The following TBC1D12 variants were observed in gnomAD, a reference collection of about 807,000 sequenced individuals.
TBC1D12 encodes TBC1 domain family, member 12.
Under a neutral mutation model 86.7 loss-of-function variants are expected in TBC1D12, and 56 were observed. The ratio of observed to expected loss-of-function variants is 0.65; its 90% CI spans 0.52 to 0.81. The LOEUF is 0.81. TBC1D12 is among the 30% of genes least tolerant of loss of function. The pLI, the probability that TBC1D12 is intolerant of heterozygous loss-of-function variation, is 0.00. For synonymous variants in TBC1D12, 421 were observed against 411.7 expected, an observed-to-expected ratio of 1.02 and a Z score of -0.27; for missense variants, 1,023 against 1,038.8, an observed-to-expected ratio of 0.98 and a Z score of 0.21.
chr10:94,420,239 G>A (rs2055055893), intron 1 of TBC1D12, among the ~76,000 whole-genome samples: 1 of 152,168 alleles, frequency 6.6e-6, no homozygotes, highest in Admixed American at 6.5e-5. Flanking sequence ...CAGCAGAAAG[G>A]TAGCTGTCTG....
At chr10:94,459,588 AG>A (rs1564957139) in intron 2 of TBC1D12, among the ~76,000 whole-genome samples, 1 of 152,070 alleles carries the variant, frequency 6.6e-6, no homozygotes, top group Non-Finnish European at 1.5e-5. Context: ...GGAGCCCACC[AG>A]GGGGGTTGGG....
At chr10:94,491,762 T>G (rs900225434) in intron 3 of TBC1D12, among the ~76,000 whole-genome samples, 1 of 152,180 alleles carries the variant, frequency 6.6e-6, no homozygotes, top group Non-Finnish European at 1.5e-5. Flanking sequence ...GATCGACTGT[T>G]GGTGATACCA....
At chr10:94,468,481 T>A (rs2055856081) in intron 2 of TBC1D12, among the ~76,000 whole-genome samples, 1 of 151,422 alleles carries the variant, frequency 6.6e-6, no homozygotes, top group African/African-American at 2.4e-5. Context: ...TCCCTCTCCA[T>A]TTTTTTTTCC....
At chr10:94,459,812 G>A (rs557517872) in intron 2 of TBC1D12, among the ~76,000 whole-genome samples, 4 of 152,330 alleles carry the variant, frequency 2.6e-5, no homozygotes, top group Admixed American at 6.5e-5. Context: ...TGCCGAGCCC[G>A]CACCCACCCG....
chr10:94,532,279 G>C (rs570837650), intron 12 of TBC1D12, among the ~76,000 whole-genome samples: 1 of 152,118 alleles, frequency 6.6e-6, no homozygotes, highest in East Asian at 1.9e-4. Flanking sequence ...CCGGGTTCAA[G>C]CAATTCTTTT....
rs184774358 is a variant in TBC1D12 at position 94,419,344 on chromosome 10, G to C, written c.971+15760G>C. Among the ~76,000 whole-genome samples the C allele has an allele frequency of 1.4e-4, 21 of 151,942 alleles. No individual in the cohort carries two copies. The East Asian group carries it at 3.5e-3, about 25-fold the overall frequency. ...TACTAAATAACATTTGTTTATCATC[G>C]TGAAGTTTTTAACATTAACCTGCAT... On this transcript the variant is annotated intron_variant, in intron 1 of 12. Transcript: ENST00000225235.
chr10:94,495,306 G>C (rs1186931600), intron 4 of TBC1D12, among the ~76,000 whole-genome samples: 1 of 152,074 alleles, frequency 6.6e-6, no homozygotes, highest in Non-Finnish European at 1.5e-5. Flanking sequence ...TTACAGGCGT[G>C]AGCCACCATG....
At chr10:94,482,692 C>T (rs367551683) in intron 3 of TBC1D12, among the ~76,000 whole-genome samples, 83 of 152,072 alleles carry the variant, frequency 5.5e-4, no homozygotes, top group African/African-American at 1.9e-3. Context: ...TCAGGTGATC[C>T]GCCCGCCTCA....
chr10:94,531,664 T>G (rs1321485141), intron 12 of TBC1D12, among the ~76,000 whole-genome samples: 1 of 144,562 alleles, frequency 6.9e-6, no homozygotes, highest in African/African-American at 2.6e-5. Context: ...TTTATTTTAT[T>G]TTATTTTATT....
chr10:94,416,286 T>C (rs1418258402), intron 1 of TBC1D12, among the ~76,000 whole-genome samples: 1 of 152,246 alleles, frequency 6.6e-6, no homozygotes, highest in African/African-American at 2.4e-5. Flanking sequence ...CTTTTTATTC[T>C]CAGAAGGTTT....
At chr10:94,437,332 C>CTTT (rs767605698) in intron 1 of TBC1D12, among the ~76,000 whole-genome samples, 1 of 145,578 alleles carries the variant, frequency 6.9e-6, no homozygotes, top group East Asian at 2.0e-4. Flanking sequence ...TGGTTATTTT[C>CTTT]TTTTTTTTTT....
chr10:94,424,062 A>G (rs935123489), intron 1 of TBC1D12, among the ~76,000 whole-genome samples: 9 of 152,172 alleles, frequency 5.9e-5, no homozygotes, highest in Non-Finnish European at 4.4e-5. Context: ...TAATTAATCT[A>G]AGATGATTTA....
intron 9 of TBC1D12, among the ~76,000 whole-genome samples, chr10:94,513,412 C>A (rs1202299873): frequency 1.3e-5 from 2 of 151,938 alleles, no homozygotes; most frequent in Admixed American, 1.3e-4. Flanking sequence ...CACAGCAAGA[C>A]CCTGTCTCAA....
Position 94,461,285 on chromosome 10 carries a change from C to T in TBC1D12, c.1096-13383C>T, listed in dbSNP as rs1056118176. Among the ~76,000 whole-genome samples, 7 of 152,180 alleles carry T rather than the reference C, an allele frequency of 4.6e-5. No homozygotes were observed. The East Asian group carries it at 5.8e-4, about 13-fold the overall frequency. On this transcript the variant is annotated intron_variant, in intron 2 of 12. Coordinates refer to ENST00000225235, the MANE Select transcript of TBC1D12 (RefSeq NM_015188.2). ...GGTGAACCTGTACCTCTGAATGGTA[C>T]GCTTCATAGTGCTTCTCAGTTTTGT...
Position 94,444,698 on chromosome 10 carries a change from T to G in TBC1D12, c.1095+2679T>G, listed in dbSNP as rs1240649086. On this transcript the variant is annotated intron_variant, in intron 2 of 12. Transcript: ENST00000225235. Reference sequence around the variant, plus strand: ...GATACGCTGTATACCTTTAATCTGCTATTTTCATTTCGGAAAGCCAAGACC... The same window carrying G: ...GATACGCTGTATACCTTTAATCTGCGATTTTCATTTCGGAAAGCCAAGACC... 2.6e-5 allele frequency among the ~76,000 whole-genome samples: 4 copies of G among 152,094 alleles called. No homozygotes were observed. The South Asian group carries it at 8.3e-4, about 32-fold the overall frequency.
At chr10:94,478,230 C>G (rs1403116559) in intron 3 of TBC1D12, among the ~76,000 whole-genome samples, 1 of 151,998 alleles carries the variant, frequency 6.6e-6, no homozygotes, top group African/African-American at 2.4e-5. Context: ...CCACTGCACT[C>G]CAGCCTGGGT....
chr10:94,498,845 C>A (rs188949600), intron 5 of TBC1D12, among the ~76,000 whole-genome samples: 1 of 151,756 alleles, frequency 6.6e-6, no homozygotes, highest in Non-Finnish European at 1.5e-5. Context: ...CAAGGCTCAC[C>A]GCAACCCCGA....
chr10:94,514,428 A>ACC (rs1049949745), intron 9 of TBC1D12, among the ~76,000 whole-genome samples: 4 of 151,926 alleles, frequency 2.6e-5, no homozygotes, highest in African/African-American at 9.7e-5. Context: ...CGTCTTCCCC[A>ACC]CCCCCAAGCC....
chr10:94,503,124 C>T (rs747849332), intron 6 of TBC1D12, among the ~76,000 whole-genome samples: 5 of 152,190 alleles, frequency 3.3e-5, no homozygotes, highest in Non-Finnish European at 7.3e-5. Context: ...AAGTCTGTCT[C>T]ATATGTACTA....
Sources: gnomAD v4.1 joint callset for allele counts (sites outside exome capture counted in the v4.1 genomes callset) on GRCh38, gnomAD v4.1.1 for gene constraint, MANE v1.5 for transcripts, NCBI Gene and HGNC (gene_info 2026-07-23, HGNC 2026-07-21) for gene names.